CSMD1: variants seen among roughly 807,000 people sequenced by gnomAD.
CSMD1 encodes the protein CUB and Sushi multiple domains 1, also known as CUB and sushi domain-containing protein 1.
CSMD1 carries 213 observed loss-of-function variants against 417.5 expected under a neutral mutation model. The ratio of observed to expected loss-of-function variants is 0.51; its 90% CI spans 0.46 to 0.57. CSMD1 has a LOEUF of 0.57. Ranked by LOEUF, CSMD1 falls within the 20% of genes least tolerant of loss-of-function variation. CSMD1 has a pLI of 0.00. For synonymous variants in CSMD1, 2,862 were observed against 1,736.8 expected (o/e 1.65, Z -16.11); for missense variants, 6,923 against 4,529.7 (o/e 1.53, Z -15.17).
intron 41 of CSMD1, chr8:3,127,888 GAGGGAGGA>G (rs2129024478): frequency 8.0e-6 from 1 of 125,636 alleles, no homozygotes; most frequent in South Asian, 2.6e-4. Context: ...GAGAGGGAGG[GAGGGAGGA>G]ATGAAGGAAG....
intron 3 of CSMD1, among the ~76,000 whole-genome samples, chr8:4,378,878 C>A (rs940376710): frequency 6.6e-6 from 1 of 152,164 alleles, no homozygotes; most frequent in Non-Finnish European, 1.5e-5. Flanking sequence ...AGCCCTTTCT[C>A]TAGTTGCTGA....
chr8:3,232,687 G>C (rs184480991), intron 26 of CSMD1, among the ~76,000 whole-genome samples: 1 of 152,000 alleles, frequency 6.6e-6, no homozygotes, highest in Non-Finnish European at 1.5e-5. Flanking sequence ...GGATAGTTTA[G>C]TCTCCTTATG....
chr8:4,483,261 A>G (rs867606432), intron 2 of CSMD1, among the ~76,000 whole-genome samples: 9 of 152,316 alleles, frequency 5.9e-5, no homozygotes, highest in South Asian at 4.1e-4. Flanking sequence ...CTCCCCAGCC[A>G]TGTGGAACTG....
intron 23 of CSMD1, among the ~76,000 whole-genome samples, chr8:3,316,028 T>C (rs191449759): frequency 1.3e-5 from 2 of 152,332 alleles, no homozygotes; most frequent in East Asian, 3.9e-4. Flanking sequence ...ACTGATTTTT[T>C]TACCACTATG....
intron 1 of CSMD1, among the ~76,000 whole-genome samples, chr8:4,760,914 A>G (rs1345124687): frequency 2.6e-5 from 4 of 152,196 alleles, no homozygotes; most frequent in Admixed American, 1.3e-4. Flanking sequence ...TTATGGTAGC[A>G]TATCTTTCTC....
intron 3 of CSMD1, among the ~76,000 whole-genome samples, chr8:4,117,136 A>G (rs1434279780): frequency 6.6e-6 from 1 of 151,822 alleles, no homozygotes; most frequent in East Asian, 1.9e-4. Flanking sequence ...ATTCTAGCCA[A>G]GGAGAAAAGA....
intron 7 of CSMD1, among the ~76,000 whole-genome samples, chr8:3,654,852 C>G (rs1184331177): frequency 6.6e-6 from 1 of 152,130 alleles, no homozygotes; most frequent in African/African-American, 2.4e-5. Context: ...CTGCTCTACC[C>G]ACACCCGGAC....
intron 47 of CSMD1, among the ~76,000 whole-genome samples, chr8:3,096,493 C>A (rs184007029): frequency 6.6e-6 from 1 of 152,148 alleles, no homozygotes; most frequent in East Asian, 1.9e-4. Context: ...TCATGCCTGC[C>A]GTCATCCATG....
At chr8:3,096,569 T>C (rs1815314583) in intron 47 of CSMD1, among the ~76,000 whole-genome samples, 2 of 152,182 alleles carry the variant, frequency 1.3e-5, no homozygotes, top group South Asian at 4.1e-4. Flanking sequence ...CATCTGGAAC[T>C]GTAAATCCAT....
intron 3 of CSMD1, among the ~76,000 whole-genome samples, chr8:4,195,026 T>C (rs1373699651): frequency 6.6e-6 from 1 of 152,208 alleles, no homozygotes; most frequent in African/African-American, 2.4e-5. Flanking sequence ...GTAACTTTTT[T>C]CACTATCTAC....
chr8:4,373,560 CTT>C (rs1423766490), intron 3 of CSMD1, among the ~76,000 whole-genome samples: 2 of 152,300 alleles, frequency 1.3e-5, no homozygotes, highest in East Asian at 1.9e-4. Flanking sequence ...GTACTCAACT[CTT>C]ATCATTTAAT....
At chr8:3,940,943 T>C (rs921840451) in intron 5 of CSMD1, among the ~76,000 whole-genome samples, 2 of 151,986 alleles carry the variant, frequency 1.3e-5, no homozygotes, top group Admixed American at 6.6e-5. Context: ...GTCCATATTT[T>C]ACATATATGT....
At chr8:4,404,014 A>G (rs1268948213) in intron 3 of CSMD1, among the ~76,000 whole-genome samples, 2 of 152,148 alleles carry the variant, frequency 1.3e-5, no homozygotes, top group South Asian at 2.1e-4. Flanking sequence ...AGCAAACTCG[A>G]TTGGTATTAA....
At chr8:3,240,333 G>A (rs1412068566) in intron 26 of CSMD1, among the ~76,000 whole-genome samples, 1 of 152,124 alleles carries the variant, frequency 6.6e-6, no homozygotes, top group Non-Finnish European at 1.5e-5. Flanking sequence ...GGGTCAGCAA[G>A]GTTTCCTTTT....
At chr8:4,013,247 G>A (rs1056922041) in intron 4 of CSMD1, among the ~76,000 whole-genome samples, 1 of 152,054 alleles carries the variant, frequency 6.6e-6, no homozygotes, top group African/African-American at 2.4e-5. Context: ...TCCTCTGACT[G>A]TCTCTCCTAC....
chr8:4,474,666 G>A (rs571114052), intron 2 of CSMD1, among the ~76,000 whole-genome samples: 18 of 152,184 alleles, frequency 1.2e-4, no homozygotes, highest in African/African-American at 4.1e-4. Context: ...CACAGTTGAC[G>A]TTGAACAACA....
intron 5 of CSMD1, among the ~76,000 whole-genome samples, chr8:3,916,572 T>C (rs1346338118): frequency 1.3e-5 from 2 of 152,172 alleles, no homozygotes; most frequent in Admixed American, 6.5e-5. Context: ...AGTATGATTG[T>C]ATGAACATTA....
intron 6 of CSMD1, among the ~76,000 whole-genome samples, chr8:3,711,736 G>A (rs968311945): frequency 6.6e-6 from 1 of 152,092 alleles, no homozygotes; most frequent in Admixed American, 6.6e-5. Context: ...CATCCAAAAT[G>A]GCAAACGTAT....
chr8:3,721,857 A>C (rs1802193803), intron 6 of CSMD1, among the ~76,000 whole-genome samples: 1 of 152,138 alleles, frequency 6.6e-6, no homozygotes, highest in Non-Finnish European at 1.5e-5. Context: ...GCGCTGTATG[A>C]AGAAAATAGC....
Sources: gnomAD v4.1 joint callset for allele counts (sites outside exome capture counted in the v4.1 genomes callset) on GRCh38, gnomAD v4.1.1 for gene constraint, MANE v1.5 for transcripts, NCBI Gene and HGNC (gene_info 2026-07-23, HGNC 2026-07-21) for gene names.